SH3TC2: variants seen among roughly 807,000 people sequenced by gnomAD.
The protein encoded by SH3TC2 is SH3 domain and tetratricopeptide repeats 2.
In SH3TC2, 87 loss-of-function variants were observed where a neutral mutation model predicts 124.5. That is an observed-to-expected ratio of 0.70 (90% confidence interval 0.59 to 0.84). SH3TC2 has a LOEUF of 0.84. SH3TC2 is among the 40% of genes least tolerant of loss of function. The probability of loss-of-function intolerance (pLI) is 0.00; values close to 1 mark genes in which losing one functional copy is unlikely to be tolerated. For missense variants in SH3TC2, 1,536 were observed against 1,566.4 expected, an observed-to-expected ratio of 0.98 and a Z score of 0.33; for synonymous variants, 634 against 628.5, an observed-to-expected ratio of 1.01 and a Z score of -0.13.
intron 13 of SH3TC2, among the ~76,000 whole-genome samples, chr5:149,011,667 C>T (rs1175746165): frequency 2.6e-5 from 4 of 152,120 alleles, no homozygotes; most frequent in South Asian, 4.1e-4. Context: ...GTCTCCTGTA[C>T]ATAGGAAGCA....
intron 7 of SH3TC2, among the ~76,000 whole-genome samples, chr5:149,040,341 C>T (rs754532351): frequency 6.6e-6 from 1 of 152,074 alleles, no homozygotes; most frequent in Non-Finnish European, 1.5e-5. Flanking sequence ...CCTGCCATTC[C>T]CTAATACCTT....
intron 3 of SH3TC2, chr5:149,046,682 A>G (rs1754469206): frequency 6.6e-6 from 1 of 152,170 alleles, no homozygotes; most frequent in South Asian, 2.1e-4. Flanking sequence ...TGTAGCCCAC[A>G]AGTATGTCTG....
intron 5 of SH3TC2, among the ~76,000 whole-genome samples, chr5:149,042,482 CATCA>C (rs1754387909): frequency 6.6e-6 from 1 of 152,192 alleles, no homozygotes; most frequent in Non-Finnish European, 1.5e-5. Context: ...GCAGTTCTAA[CATCA>C]ATCAGTGAGA....
intron 12 of SH3TC2, among the ~76,000 whole-genome samples, chr5:149,025,335 AGGG>A (rs1198199426): frequency 6.6e-6 from 1 of 152,194 alleles, no homozygotes. Context: ...GAGAAAGAGA[AGGG>A]GGAGTGGAAT....
rs1753285484 is a variant in SH3TC2, at chr5:148,983,561, A to C, written c.*21150T>G. On this transcript the variant is annotated 3_prime_UTR_variant, in exon 17 of 17. Transcript: ENST00000515425. ...TCTGCATATGTGGGAGCTGAATTGC[A>C]TACTGATTTCATCTTGCTGAAGTGC... is the stretch of plus-strand genomic sequence containing the variant. Among the ~76,000 whole-genome samples the C allele has an allele frequency of 6.6e-6, 1 of 152,194 alleles. No homozygotes were observed. Among genetic ancestry groups the C allele is most frequent in the South Asian group, 2.1e-4 (1 of 4,830 alleles).
chr5:149,035,167 A>G (rs1193996065), intron 8 of SH3TC2, among the ~76,000 whole-genome samples: 2 of 152,244 alleles, frequency 1.3e-5, no homozygotes, highest in Non-Finnish European at 2.9e-5. Context: ...AGATTCCACA[A>G]GAAATTGAAT....
chr5:149,055,033 G>T (rs947346554), intron 1 of SH3TC2, among the ~76,000 whole-genome samples: 2 of 151,928 alleles, frequency 1.3e-5, no homozygotes, highest in Admixed American at 1.3e-4. Context: ...GAATTTTTTA[G>T]ATAATTGTTT....
Position 149,012,716 on chromosome 5 carries a change from G to C in SH3TC2, c.3072C>G (p.Leu1024=). The change falls in exon 13 of 17, where the codon CTC becomes CTG. Residue 1024 remains leucine, a synonymous_variant. Transcript: ENST00000515425. ...LNTARSLRRS[L]TCIKESLRIF... is the part of the protein sequence containing the mutation. ...TACGCAGGCTCTCCTTGATGCATGT[G>C]AGTGACCTCCTGAGGGACCTGGGGA... 1 of 1,614,118 alleles carries C rather than the reference G, an allele frequency of 6.2e-7. No individual in the cohort carries two copies. The highest frequency in any genetic ancestry group is 1.3e-5 in the African/African-American group (1 of 75,010).
At chr5:149,012,863 A>C (rs1027092469) in intron 12 of SH3TC2, 129 bp from the exon 13 acceptor site, 16 of 1,022,308 alleles carry the variant, frequency 1.6e-5, no homozygotes, top group Non-Finnish European at 1.2e-5. Flanking sequence ...GGTGGGCCTG[A>C]TTGAATGCCA....
At chr5:149,021,703 T>C (rs1399296701) in intron 12 of SH3TC2, among the ~76,000 whole-genome samples, 2 of 151,796 alleles carry the variant, frequency 1.3e-5, no homozygotes, top group Non-Finnish European at 2.9e-5. Context: ...CTACCAAAAC[T>C]GCTCAAGAAG....
At chr5:149,049,773 AC>A in intron 2 of SH3TC2, among the ~76,000 whole-genome samples, 1 of 151,406 alleles carries the variant, frequency 6.6e-6, no homozygotes. Context: ...ACGGAGCAAG[AC>A]CCTGTCTCAA....
At chr5:149,030,590 T>A (rs1218638054) in intron 9 of SH3TC2, among the ~76,000 whole-genome samples, 1 of 152,262 alleles carries the variant, frequency 6.6e-6, no homozygotes, top group Non-Finnish European at 1.5e-5. Flanking sequence ...CAATATGATC[T>A]GCTTGTGGCT....
rs1753430610 is a variant in SH3TC2, at chr5:148,992,260, C to T, written c.*12451G>A. Among the ~76,000 whole-genome samples the T allele has an allele frequency of 6.6e-6, 1 of 152,206 alleles. No individual in the cohort carries two copies. The highest frequency in any genetic ancestry group is 1.5e-5 in the Non-Finnish European group (1 of 68,034). ...CATGCACACAGTGGGGATTTTTACC[C>T]AGGTAGCATAATCCCAAGGTTTATG... On this transcript the variant is annotated 3_prime_UTR_variant, in exon 17 of 17. Coordinates refer to ENST00000515425, the MANE Select transcript of SH3TC2 (RefSeq NM_024577.4).
At chr5:149,030,258 C>T (rs11168080) in intron 9 of SH3TC2, among the ~76,000 whole-genome samples, 33,976 of 152,176 alleles carry the variant, frequency 0.22, 4,207 homozygotes, top group African/African-American at 0.31. Flanking sequence ...CTATGGTATA[C>T]GCCTTGGGGA....
intron 1 of SH3TC2, among the ~76,000 whole-genome samples, chr5:149,056,179 G>C (rs1225682166): frequency 1.3e-5 from 2 of 151,956 alleles, no homozygotes; most frequent in South Asian, 2.1e-4. Flanking sequence ...TTATATCATG[G>C]AGGTTTGTTA....
rs1379754379 is a variant in SH3TC2, at chr5:148,982,716, T to C, written c.*21995A>G. The stretch of plus-strand genomic sequence containing the variant: ...CTGAATTGTTTTTATACACACAAAA[T>C]ATCCCTGGAAGAATACACAAGAAAC... On this transcript the variant is annotated 3_prime_UTR_variant, in exon 17 of 17. Coordinates refer to ENST00000515425, the MANE Select transcript of SH3TC2 (RefSeq NM_024577.4). 2.6e-5 allele frequency among the ~76,000 whole-genome samples: 4 copies of C among 152,268 alleles called. No homozygotes were observed. Among genetic ancestry groups the C allele is most frequent in the Admixed American group, 6.5e-5 (1 of 15,300 alleles).
At chr5:149,030,881 A>G (rs574147627) in intron 9 of SH3TC2, among the ~76,000 whole-genome samples, 3 of 152,330 alleles carry the variant, frequency 2.0e-5, no homozygotes, top group African/African-American at 7.2e-5. Flanking sequence ...CTGACACACA[A>G]CAGTAGGCCT....
chr5:149,012,541 G>T, intron 13 of SH3TC2, 43 bp downstream of exon 13: 1 of 1,613,000 alleles, frequency 6.2e-7, no homozygotes, highest in Non-Finnish European at 8.5e-7. Context: ...CTCCCCAAAT[G>T]ATCCAAGTCA....
At position 148,989,961 on chromosome 5, in the gene SH3TC2, T is replaced by C. The variant is rs149133999; in HGVS notation, c.*14750A>G. Among the ~76,000 whole-genome samples, 1,826 of 152,264 alleles carry C rather than the reference T, an allele frequency of 0.012. 36 individuals are homozygous for C. The highest frequency in any genetic ancestry group is 0.042 in the African/African-American group (1,724 of 41,534). ...GGATACACAAGTGTGTGCATGTTTG[T>C]GTGTATGTGTGTGTGTTTGATGGGG... On this transcript the variant is annotated 3_prime_UTR_variant, in exon 17 of 17. Transcript: ENST00000515425.
Sources: allele counts gnomAD v4.1 joint callset (sites outside exome capture counted in the v4.1 genomes callset), GRCh38; gene constraint gnomAD v4.1.1; transcripts MANE v1.5; gene names NCBI Gene and HGNC (gene_info 2026-07-23, HGNC 2026-07-21).